Variants in KLHL1 observed in about 807,000 individuals in gnomAD.
KLHL1 encodes the protein kelch like family member 1.
In KLHL1, 47 loss-of-function variants were observed where a neutral mutation model predicts 77.7. That is an observed-to-expected ratio of 0.60 (90% CI 0.48 to 0.77). The LOEUF (loss-of-function observed/expected upper bound fraction) is 0.77, where lower values mean the gene tolerates loss of function less well. KLHL1 is among the 30% of genes least tolerant of loss of function. The pLI is 0.00. For missense variants in KLHL1, 925 were observed against 910.8 expected (o/e 1.02, Z -0.20); for synonymous variants, 360 against 325.2 (o/e 1.11, Z -1.15).
intron 4 of KLHL1, among the ~76,000 whole-genome samples, chr13:69,923,375 T>C (rs191957962): frequency 2.0e-5 from 3 of 152,268 alleles, no homozygotes; most frequent in East Asian, 3.9e-4. Context: ...TATGTCTCCG[T>C]TGGAGTTGCT....
At chr13:69,939,336 CATACATATATAT>C (rs1435928403) in intron 4 of KLHL1, among the ~76,000 whole-genome samples, 2 of 48,520 alleles carry the variant, frequency 4.1e-5, no homozygotes, top group Admixed American at 2.7e-4. Context: ...TATACATATA[CATACATATATAT>C]ATATATATAT....
chr13:70,075,588 TAC>T (rs772766804), intron 1 of KLHL1, among the ~76,000 whole-genome samples: 42,542 of 121,508 alleles, frequency 0.35, 7,984 homozygotes, highest in East Asian at 0.59. Flanking sequence ...TATATATATA[TAC>T]ACACACACAC....
intron 1 of KLHL1, among the ~76,000 whole-genome samples, chr13:70,065,315 T>C (rs1185265479): frequency 6.6e-6 from 1 of 152,166 alleles, no homozygotes; most frequent in Non-Finnish European, 1.5e-5. Context: ...GGTCAAGAAC[T>C]TGCCTATAAC....
intron 1 of KLHL1, among the ~76,000 whole-genome samples, chr13:70,031,460 A>G (rs960101472): frequency 7.2e-5 from 11 of 152,240 alleles, no homozygotes; most frequent in African/African-American, 2.7e-4. Context: ...CAAAATTTAC[A>G]TTAAATGTTA....
intron 4 of KLHL1, among the ~76,000 whole-genome samples, chr13:69,918,216 A>G (rs1882510217): frequency 6.6e-6 from 1 of 152,016 alleles, no homozygotes; most frequent in African/African-American, 2.4e-5. Flanking sequence ...TAAAATAATT[A>G]AACTTTAATA....
chr13:69,830,052 A>G (rs1007662201), intron 6 of KLHL1, among the ~76,000 whole-genome samples: 5 of 149,934 alleles, frequency 3.3e-5, no homozygotes, highest in South Asian at 2.1e-4. Context: ...GGGAAAAAAA[A>G]AGAAGGTATT....
chr13:69,938,833 G>A (rs1883261738), intron 4 of KLHL1, among the ~76,000 whole-genome samples: 1 of 151,790 alleles, frequency 6.6e-6, no homozygotes, highest in Non-Finnish European at 1.5e-5. Context: ...TCTGCTTAAA[G>A]GATTAAAAAG....
chr13:69,713,801 G>T (rs1256235924), intron 9 of KLHL1, among the ~76,000 whole-genome samples: 3 of 151,966 alleles, frequency 2.0e-5, no homozygotes, highest in African/African-American at 7.2e-5. Context: ...GACAATATTT[G>T]TTGGTACACA....
chr13:69,939,378 T>TATATATATATATACACACAC (rs1200160699), intron 4 of KLHL1, among the ~76,000 whole-genome samples: 1 of 70,822 alleles, frequency 1.4e-5, no homozygotes, highest in African/African-American at 6.3e-5. Flanking sequence ...TATATATATA[T>TATATATATATATACACACAC]ACACACACAC....
Position 70,107,536 on chromosome 13 carries a change from C to G in KLHL1, c.164G>C (p.Arg55Pro). ...GCTTCTCTCTTGGCTTTTGAGCAGG[C>G]GACTCTGGCTGGGTCCCCAGTGCTC... is the stretch of plus-strand genomic sequence containing the variant. ...SFEHWGPSQS[R>P]LLKSQERSGV... Residue 55 changes from arginine (R) to proline (P), a missense_variant, in exon 1 of 11, where the codon CGC becomes CCC. Transcript: ENST00000377844. 2 of 1,609,882 alleles carry G rather than the reference C, an allele frequency of 1.2e-6. No homozygotes were observed. Among genetic ancestry groups the G allele is most frequent in the East Asian group, 2.2e-5 (1 of 44,832 alleles).
intron 7 of KLHL1, among the ~76,000 whole-genome samples, chr13:69,792,602 G>T (rs988915305): frequency 6.6e-6 from 1 of 152,234 alleles, no homozygotes; most frequent in Admixed American, 6.5e-5. Flanking sequence ...GGCATATATA[G>T]TAGTTTAAGT....
intron 8 of KLHL1, among the ~76,000 whole-genome samples, chr13:69,724,305 T>C (rs1020610353): frequency 3.9e-5 from 6 of 152,156 alleles, no homozygotes; most frequent in Non-Finnish European, 8.8e-5. Context: ...CTTGGGCACA[T>C]GTCGTCAGGA....
intron 4 of KLHL1, among the ~76,000 whole-genome samples, chr13:69,910,694 C>A (rs1264298453): frequency 6.6e-6 from 1 of 151,776 alleles, no homozygotes; most frequent in African/African-American, 2.4e-5. Flanking sequence ...ACTGGAAAAC[C>A]AAATATTTTC....
Position 70,108,234 on chromosome 13 carries a change from C to T in KLHL1, c.-535G>A. 2.6e-6 allele frequency: 1 copy of T among 390,350 alleles called. No homozygotes were observed. The allele number at this position is 390,350 out of a possible 1,614,324, so 24.2% of individuals were successfully genotyped here. On this transcript the variant is annotated 5_prime_UTR_variant, in exon 1 of 11. Transcript: ENST00000377844. ...CCAAGTCTCGAGGAAGCGTACCCCT[C>T]GCCAGATCTCTTGGTGCACCTGCGC...
chr13:70,087,617 T>A (rs890786319), intron 1 of KLHL1, among the ~76,000 whole-genome samples: 8 of 152,036 alleles, frequency 5.3e-5, no homozygotes, highest in African/African-American at 1.9e-4. Context: ...TGCTTTCTCT[T>A]GGCCCAGCAA....
intron 6 of KLHL1, among the ~76,000 whole-genome samples, chr13:69,836,693 A>G (rs1334533383): frequency 6.6e-6 from 1 of 152,060 alleles, no homozygotes; most frequent in African/African-American, 2.4e-5. Flanking sequence ...TTTCTTATGC[A>G]ATATCCATCA....
intron 7 of KLHL1, among the ~76,000 whole-genome samples, chr13:69,749,613 A>C (rs1474187621): frequency 6.6e-6 from 1 of 151,966 alleles, no homozygotes; most frequent in African/African-American, 2.4e-5. Flanking sequence ...TGTTAAAATC[A>C]AATATTCCCA....
At chr13:69,994,200 T>C (rs1189956641) in intron 1 of KLHL1, among the ~76,000 whole-genome samples, 2 of 152,080 alleles carry the variant, frequency 1.3e-5, no homozygotes, top group Non-Finnish European at 2.9e-5. Flanking sequence ...AACAGTGATA[T>C]ACAACATAAT....
chr13:69,851,757 A>G (rs1371022961), intron 5 of KLHL1, among the ~76,000 whole-genome samples: 1 of 151,706 alleles, frequency 6.6e-6, no homozygotes, highest in Non-Finnish European at 1.5e-5. Flanking sequence ...CTCCCAAGTT[A>G]TCATTTACAG....
Sources: gnomAD v4.1 joint callset for allele counts (sites outside exome capture counted in the v4.1 genomes callset) on GRCh38, gnomAD v4.1.1 for gene constraint, MANE v1.5 for transcripts, NCBI Gene and HGNC (gene_info 2026-07-23, HGNC 2026-07-21) for gene names.